The following INSYN2B variants were observed in gnomAD, a reference collection of about 807,000 sequenced individuals.
INSYN2B encodes inhibitory synaptic factor family member 2B.
A neutral mutation model predicts 41.2 loss-of-function variants in INSYN2B; 16 were observed. The observed-to-expected ratio is 0.39, with a 90% CI of 0.26 to 0.59. INSYN2B has a LOEUF of 0.59. Among genes scored for constraint, INSYN2B ranks in the 20% least tolerant of loss-of-function variants. The probability of loss-of-function intolerance (pLI) is 0.57; values close to 1 mark genes in which losing one functional copy is unlikely to be tolerated. For synonymous variants in INSYN2B, 245 were observed against 244.4 expected (o/e 1.00, Z -0.02); for missense variants, 608 against 646.4 (o/e 0.94, Z 0.64).
chr5:169,883,702 C>T lies in INSYN2B; in HGVS notation c.197G>A (p.Gly66Glu). The part of the protein sequence containing the change: ...VQTPEDPAVM[G>E]KTQATRHHLP... ...ATGGTGCCTGGTTGCTTGAGTCTTC[C>T]CCATCACAGCCGGGTCTTCTGGAGT... The change falls in exon 2 of 4, where the codon GGG becomes GAG. Residue 66 changes from glycine (G) to glutamate (E), a missense_variant. Physicochemically the swap from Gly to Glu is moderately conservative, Grantham distance 98 (BLOSUM62 -2). Coordinates refer to ENST00000377365, the MANE Select transcript of INSYN2B (RefSeq NM_001129891.3). The T allele has an allele frequency of 5.8e-6, 9 of 1,551,296 alleles. No individual in the cohort carries two copies. Among genetic ancestry groups the T allele is most frequent in the Non-Finnish European group, 7.8e-6 (9 of 1,146,782 alleles).
intron 1 of INSYN2B, among the ~76,000 whole-genome samples, chr5:169,896,506 A>G (rs261066): frequency 6.6e-6 from 1 of 152,076 alleles, no homozygotes; most frequent in Non-Finnish European, 1.5e-5. Flanking sequence ...ACTTAAGAAG[A>G]TGTAGCTAAT....
intron 1 of INSYN2B, among the ~76,000 whole-genome samples, chr5:169,966,205 G>A (rs1491001946): frequency 2.0e-5 from 3 of 152,042 alleles, no homozygotes; most frequent in Non-Finnish European, 4.4e-5. Context: ...AGGATTTATT[G>A]TTTTAATCAT....
chr5:169,963,921 A>G (rs1460779263), intron 1 of INSYN2B, among the ~76,000 whole-genome samples: 3 of 152,018 alleles, frequency 2.0e-5, no homozygotes, highest in South Asian at 4.2e-4. Context: ...CATTTCAAAT[A>G]AGTTTTCGGA....
At chr5:169,891,444 A>T (rs1014898849) in intron 1 of INSYN2B, among the ~76,000 whole-genome samples, 5 of 152,244 alleles carry the variant, frequency 3.3e-5, no homozygotes, top group Non-Finnish European at 7.3e-5. Flanking sequence ...AAAACTTTAG[A>T]TCTTGGGTAG....
intron 3 of INSYN2B, chr5:169,875,368 C>T (rs771232469): frequency 1.1e-5 from 5 of 454,108 alleles, no homozygotes; most frequent in African/African-American, 4.0e-5. Flanking sequence ...TTTGGGAGCA[C>T]TGTCTAGGGC....
At chr5:169,944,709 A>T (rs1037299442) in intron 1 of INSYN2B, among the ~76,000 whole-genome samples, 6 of 152,222 alleles carry the variant, frequency 3.9e-5, no homozygotes, top group Non-Finnish European at 7.3e-5. Flanking sequence ...AAACAGCTGA[A>T]CATGTGGTGG....
intron 1 of INSYN2B, among the ~76,000 whole-genome samples, chr5:169,923,313 A>G (rs1440992648): frequency 1.3e-5 from 2 of 152,350 alleles, no homozygotes; most frequent in Non-Finnish European, 2.9e-5. Context: ...GTACTTTCAT[A>G]TATTTCCTAA....
intron 1 of INSYN2B, among the ~76,000 whole-genome samples, chr5:169,972,574 TAGATAGATAGATGATAGATAGATA>T (rs1181463548): frequency 9.7e-4 from 64 of 66,232 alleles, no homozygotes; most frequent in African/African-American, 2.9e-3. Flanking sequence ...GATAGATAGA[TAGATAGATAGATGATAGATAGATA>T]GATAGATAGA....
intron 1 of INSYN2B, among the ~76,000 whole-genome samples, chr5:169,926,848 C>T (rs1581428352): frequency 1.3e-5 from 2 of 152,230 alleles, no homozygotes; most frequent in South Asian, 2.1e-4. Flanking sequence ...TAGACAATGT[C>T]CCTCCCTCTA....
chr5:169,885,387 CT>C (rs1772914631), intron 1 of INSYN2B, among the ~76,000 whole-genome samples: 1 of 152,120 alleles, frequency 6.6e-6, no homozygotes, highest in Non-Finnish European at 1.5e-5. Flanking sequence ...AGGGCAGGTC[CT>C]TGTGAATTAA....
rs551095312 is a variant in INSYN2B at position 169,866,107 on chromosome 5, G to A, written c.1422-1648C>T. Among the ~76,000 whole-genome samples, 128 of 150,360 alleles carry A rather than the reference G, an allele frequency of 8.5e-4. 1 individual carries two copies. Among genetic ancestry groups the A allele is most frequent in the African/African-American group, 2.9e-3 (118 of 40,320 alleles). On this transcript the variant is annotated intron_variant, in intron 3 of 3. Coordinates refer to ENST00000377365, the MANE Select transcript of INSYN2B (RefSeq NM_001129891.3). ...AAGAGTCAGAGGGGCGAGGGGGCCT[G>A]TTTTATAGCAAGACTGATGGGGTGT... is the stretch of plus-strand genomic sequence containing the variant.
intron 1 of INSYN2B, among the ~76,000 whole-genome samples, chr5:169,943,995 G>C (rs1225368453): frequency 6.6e-6 from 1 of 152,156 alleles, no homozygotes; most frequent in African/African-American, 2.4e-5. Context: ...CTAATAGCAT[G>C]GTGTGACTCT....
At chr5:169,941,547 G>A (rs1316408145) in intron 1 of INSYN2B, among the ~76,000 whole-genome samples, 2 of 152,320 alleles carry the variant, frequency 1.3e-5, no homozygotes, top group Admixed American at 6.5e-5. Context: ...AAAGGAGAGT[G>A]CAAGAGGTGG....
intron 3 of INSYN2B, among the ~76,000 whole-genome samples, chr5:169,876,384 T>A (rs1308480758): frequency 6.6e-6 from 1 of 152,230 alleles, no homozygotes; most frequent in Non-Finnish European, 1.5e-5. Context: ...AACCTGAAGA[T>A]CTGATGTTCT....
chr5:169,895,397 A>G (rs553293575), intron 1 of INSYN2B, among the ~76,000 whole-genome samples: 1 of 152,194 alleles, frequency 6.6e-6, no homozygotes, highest in Admixed American at 6.5e-5. Context: ...AGACTAGGAA[A>G]GGCACTGAGC....
chr5:169,957,785 G>T (rs776800022), intron 1 of INSYN2B, among the ~76,000 whole-genome samples: 1 of 152,168 alleles, frequency 6.6e-6, no homozygotes, highest in Non-Finnish European at 1.5e-5. Context: ...CCCAAAAGCT[G>T]GTAGAGCTCC....
chr5:169,913,013 C>A (rs1774693516), intron 1 of INSYN2B, among the ~76,000 whole-genome samples: 1 of 151,982 alleles, frequency 6.6e-6, no homozygotes, highest in African/African-American at 2.4e-5. Flanking sequence ...GTAAATTGTT[C>A]CTCAATTGTA....
At chr5:169,953,628 G>T (rs759406436) in intron 1 of INSYN2B, among the ~76,000 whole-genome samples, 1 of 152,186 alleles carries the variant, frequency 6.6e-6, no homozygotes, top group South Asian at 2.1e-4. Context: ...ACCTCTGTGG[G>T]CAGAAGAGTT....
intron 1 of INSYN2B, among the ~76,000 whole-genome samples, chr5:169,907,736 T>C (rs1237681827): frequency 1.3e-5 from 2 of 152,170 alleles, no homozygotes; most frequent in African/African-American, 4.8e-5. Context: ...TCTAGAGCAG[T>C]GGTTTTCAAC....
Sources: allele counts gnomAD v4.1 joint callset (sites outside exome capture counted in the v4.1 genomes callset), GRCh38; gene constraint gnomAD v4.1.1; transcripts MANE v1.5; gene names NCBI Gene and HGNC (gene_info 2026-07-23, HGNC 2026-07-21).